Variants in GPD2 observed in about 807,000 individuals in gnomAD.
The protein encoded by GPD2 is glycerol-3-phosphate dehydrogenase, mitochondrial.
GPD2 carries 54 observed loss-of-function variants against 82.4 expected under a neutral mutation model. The observed-to-expected ratio is 0.66, with a 90% CI of 0.53 to 0.82. The LOEUF (loss-of-function observed/expected upper bound fraction) is 0.82. Among genes scored for constraint, GPD2 ranks in the 40% least tolerant of loss-of-function variants. The pLI is 0.00. For synonymous variants in GPD2, 288 were observed against 306.1 expected (o/e 0.94, Z 0.62); for missense variants, 748 against 896.2 (o/e 0.83, Z 2.11).
intron 6 of GPD2, among the ~76,000 whole-genome samples, chr2:156,530,575 G>A (rs1685813824): frequency 6.6e-6 from 1 of 150,716 alleles, no homozygotes; most frequent in Non-Finnish European, 1.5e-5. Context: ...GTTTGTCATG[G>A]ATAGCTCTTA....
chr2:156,451,205 G>C (rs1471370523), intron 1 of GPD2, among the ~76,000 whole-genome samples: 1 of 151,868 alleles, frequency 6.6e-6, no homozygotes. Context: ...GGTGGTGGCC[G>C]GGCAGAGGGG....
chr2:156,421,563 G>A, the GPD2 span, among the ~76,000 whole-genome samples: 2 of 151,658 alleles, frequency 1.3e-5, no homozygotes, highest in African/African-American at 4.8e-5. Flanking sequence ...CTAAAGAGTT[G>A]AATGAAAAAA....
intron 10 of GPD2, 80 bp from the exon 11 acceptor site, chr2:156,569,280 GTTA>G: frequency 1.6e-5 from 15 of 918,810 alleles, no homozygotes; most frequent in Non-Finnish European, 2.7e-5. Context: ...GGAAAATTTT[GTTA>G]TTGGTAAGTT....
chr2:156,541,828 T>G (rs868671236), intron 6 of GPD2, among the ~76,000 whole-genome samples: 1 of 140,578 alleles, frequency 7.1e-6, no homozygotes, highest in Non-Finnish European at 1.6e-5. Context: ...CTGTTTGTTT[T>G]TTTTTTTTTT....
chr2:156,547,014 CAAGT>C (rs534771248), intron 6 of GPD2, among the ~76,000 whole-genome samples: 23 of 152,202 alleles, frequency 1.5e-4, no homozygotes, highest in Admixed American at 3.9e-4. Flanking sequence ...CAAAGACAAA[CAAGT>C]AAGCCTTTCT....
chr2:156,464,022 T>C (rs1169838547), intron 1 of GPD2, among the ~76,000 whole-genome samples: 1 of 152,178 alleles, frequency 6.6e-6, no homozygotes, highest in Non-Finnish European at 1.5e-5. Flanking sequence ...GATGCGTTAT[T>C]CAACTGAGGA....
chr2:156,562,054 TG>T lies in GPD2; in HGVS notation c.1165+4473del, dbSNP rs1169248189. Among the ~76,000 whole-genome samples, 4 of 152,158 alleles carry T rather than the reference TG, an allele frequency of 2.6e-5. No homozygotes were observed. The East Asian group carries it at 7.7e-4, about 29-fold the overall frequency. On this transcript the variant is annotated intron_variant, in intron 9 of 16. Coordinates refer to ENST00000438166, the MANE Select transcript of GPD2 (RefSeq NM_000408.5). The stretch of plus-strand genomic sequence containing the variant: ...GGAAGAAAAATGATCTTTTGAAAAA[TG>T]TATCATTAAGTCTGCTGTGTAGAGG...
At position 156,579,154 on chromosome 2, in the gene GPD2, G is replaced by C; in HGVS notation, c.1949G>C (p.Arg650Pro). ...KGFITIVDVQ[R>P]VLESINVQMD... ...TTTATTACCATTGTTGATGTTCAGC[G>C]TGTATTAGAGGTAATTTTCTTTGGT... The change falls in exon 15 of 17, where the codon CGT becomes CCT. Residue 650 changes from arginine (R) to proline (P), a missense_variant. By Grantham distance (103) the Arg-to-Pro change is moderately radical. Coordinates refer to ENST00000438166, the MANE Select transcript of GPD2 (RefSeq NM_000408.5). 1.3e-6 allele frequency: 2 copies of C among 1,590,330 alleles called. No homozygotes were observed. Among genetic ancestry groups the C allele is most frequent in the Non-Finnish European group, 8.6e-7 (1 of 1,158,870 alleles).
At chr2:156,400,759 C>G in the GPD2 span, among the ~76,000 whole-genome samples, 2 of 152,326 alleles carry the variant, frequency 1.3e-5, no homozygotes, top group Middle Eastern at 3.4e-3. Context: ...CAGAAATATG[C>G]TTTCGGCTGG....
chr2:156,445,131 G>C (rs1480154051), intron 1 of GPD2, among the ~76,000 whole-genome samples: 1 of 152,156 alleles, frequency 6.6e-6, no homozygotes, highest in African/African-American at 2.4e-5. Flanking sequence ...AAACAGCAAT[G>C]ACAAGTATTT....
the GPD2 span, among the ~76,000 whole-genome samples, chr2:156,401,746 C>G: frequency 6.6e-6 from 1 of 152,206 alleles, no homozygotes; most frequent in Non-Finnish European, 1.5e-5. Context: ...ATTCTCTAAG[C>G]TGCCCCTTCC....
the GPD2 span, among the ~76,000 whole-genome samples, chr2:156,418,714 A>G: frequency 6.6e-6 from 1 of 152,198 alleles, no homozygotes; most frequent in Non-Finnish European, 1.5e-5. Flanking sequence ...AAGCACCGTG[A>G]TTCCAAAGCT....
chr2:156,577,537 A>C (rs1287910628), intron 13 of GPD2, among the ~76,000 whole-genome samples: 2 of 152,178 alleles, frequency 1.3e-5, no homozygotes. Flanking sequence ...GGATCTTATC[A>C]TCAACATAAC....
intron 6 of GPD2, among the ~76,000 whole-genome samples, chr2:156,525,846 A>G (rs1685586862): frequency 1.3e-5 from 2 of 152,198 alleles, no homozygotes; most frequent in South Asian, 2.1e-4. Context: ...GTTTTAAAGT[A>G]AAAAATGTAA....
At chr2:156,472,991 G>A (rs762157263) in intron 1 of GPD2, among the ~76,000 whole-genome samples, 2 of 152,158 alleles carry the variant, frequency 1.3e-5, no homozygotes, top group Non-Finnish European at 2.9e-5. Context: ...TAAAAGCACA[G>A]TACCTGTTAC....
intron 5 of GPD2, 27 bp downstream of exon 5, chr2:156,512,344 C>T: frequency 9.6e-7 from 1 of 1,042,910 alleles, no homozygotes; most frequent in Non-Finnish European, 1.5e-6. Flanking sequence ...CACCTGTATG[C>T]ATTTGCTTCT....
chr2:156,487,329 G>T (rs896499153), intron 2 of GPD2, among the ~76,000 whole-genome samples: 2 of 151,886 alleles, frequency 1.3e-5, no homozygotes, highest in Admixed American at 1.3e-4. Flanking sequence ...AAAAAAAAAA[G>T]TGCTATTTCA....
At chr2:156,483,937 G>A (rs907250036) in intron 2 of GPD2, among the ~76,000 whole-genome samples, 1 of 145,824 alleles carries the variant, frequency 6.9e-6, no homozygotes, top group African/African-American at 2.5e-5. Context: ...CCTGAACGTT[G>A]ATGTAGCTGT....
At chr2:156,400,861 T>C in the GPD2 span, among the ~76,000 whole-genome samples, 1 of 152,210 alleles carries the variant, frequency 6.6e-6, no homozygotes, top group African/African-American at 2.4e-5. Context: ...CGTTTGCTTT[T>C]TATTTTTTCT....
Sources: allele counts gnomAD v4.1 joint callset (sites outside exome capture counted in the v4.1 genomes callset), GRCh38; gene constraint gnomAD v4.1.1; transcripts MANE v1.5; gene names NCBI Gene and HGNC (gene_info 2026-07-23, HGNC 2026-07-21).